The following HORMAD2 variants were observed in gnomAD, a reference collection of about 807,000 sequenced individuals.
The protein encoded by HORMAD2 is HORMA domain-containing protein 2.
In HORMAD2, 45 loss-of-function variants were observed where a neutral mutation model predicts 38.8. That is an observed-to-expected ratio of 1.16 (90% CI 0.91 to 1.49). HORMAD2 has a LOEUF of 1.49. HORMAD2 is among the 40% of genes most tolerant of loss of function. The pLI is 0.00. For missense variants in HORMAD2, 338 were observed against 367.0 expected (o/e 0.92, Z 0.65); for synonymous variants, 126 against 122.8 (o/e 1.03, Z -0.17).
At chr22:30,145,890 G>T (rs1485824405) in intron 10 of HORMAD2, among the ~76,000 whole-genome samples, 3 of 152,134 alleles carry the variant, frequency 2.0e-5, no homozygotes, top group Non-Finnish European at 4.4e-5. Context: ...TATGAGGCCA[G>T]AATTACCCTG....
chr22:30,180,116 C>A (rs1926638147), downstream of HORMAD2, among the ~76,000 whole-genome samples: 1 of 152,114 alleles, frequency 6.6e-6, no homozygotes, highest in Non-Finnish European at 1.5e-5. Flanking sequence ...TCTCAAACTC[C>A]TGGGCTCAAA....
intron 10 of HORMAD2, among the ~76,000 whole-genome samples, chr22:30,172,547 A>G (rs1467370021): frequency 6.6e-6 from 1 of 152,170 alleles, no homozygotes; most frequent in Admixed American, 6.5e-5. Flanking sequence ...TCAGCCAATA[A>G]TTAAAGAGCA....
At chr22:30,131,897 C>G (rs1268499402) in intron 10 of HORMAD2, among the ~76,000 whole-genome samples, 1 of 152,106 alleles carries the variant, frequency 6.6e-6, no homozygotes, top group Non-Finnish European at 1.5e-5. Context: ...TTCTTTTGTG[C>G]CAACACACTT....
intron 7 of HORMAD2, 91 bp from the exon 8 acceptor site, chr22:30,118,889 A>C (rs1311567145): frequency 1.3e-6 from 1 of 786,818 alleles, no homozygotes; most frequent in Non-Finnish European, 2.1e-6. Context: ...CAGTAGATAT[A>C]CAGTGAAAAT....
chr22:30,122,246 G>A, intron 10 of HORMAD2, 32 bp downstream of exon 10: 1 of 1,578,490 alleles, frequency 6.3e-7, no homozygotes. Context: ...TTTCTATCGT[G>A]TCAGTTAAAC....
intron 1 of HORMAD2, among the ~76,000 whole-genome samples, chr22:30,091,917 C>T (rs1037908138): frequency 1.3e-5 from 2 of 151,944 alleles, no homozygotes; most frequent in Non-Finnish European, 2.9e-5. Context: ...TGCTCTGTTG[C>T]CCAGGCTGGA....
At chr22:30,188,224 C>G in the HORMAD2 span, among the ~76,000 whole-genome samples, 1 of 152,148 alleles carries the variant, frequency 6.6e-6, no homozygotes, top group Non-Finnish European at 1.5e-5. Flanking sequence ...AAGAGGTAAA[C>G]AGCATAGATA....
At chr22:30,103,601 A>C in intron 4 of HORMAD2, 101 bp downstream of exon 4, 1 of 417,336 alleles carries the variant, frequency 2.4e-6, no homozygotes, top group Non-Finnish European at 4.2e-6. Flanking sequence ...TTAAAAAACC[A>C]TTTCTTCTTT....
At chr22:30,171,240 A>G (rs1330273999) in intron 10 of HORMAD2, among the ~76,000 whole-genome samples, 1 of 152,090 alleles carries the variant, frequency 6.6e-6, no homozygotes, top group Non-Finnish European at 1.5e-5. Context: ...TCAAATTTAC[A>G]TCTCCAACCC....
intron 7 of HORMAD2, among the ~76,000 whole-genome samples, chr22:30,116,141 A>G (rs1881445620): frequency 6.6e-6 from 1 of 152,140 alleles, no homozygotes; most frequent in South Asian, 2.1e-4. Context: ...ATAGCTGTGC[A>G]AAGGCCCTAA....
At chr22:30,122,323 A>T in intron 10 of HORMAD2, 109 bp downstream of exon 10, 2 of 981,970 alleles carry the variant, frequency 2.0e-6, no homozygotes, top group Non-Finnish European at 2.9e-6. Context: ...AAAAACTGAA[A>T]CAAAACTAGT....
At chr22:30,158,080 G>GA (rs34431460) in intron 10 of HORMAD2, among the ~76,000 whole-genome samples, 33,130 of 148,910 alleles carry the variant, frequency 0.22, 3,942 homozygotes, top group Middle Eastern at 0.38. Flanking sequence ...GTAGGGCAAA[G>GA]AAAAAAAAAG....
Position 30,176,307 on chromosome 22 carries a change from T to TC in HORMAD2, c.*140_*141insC, listed in dbSNP as rs1926456953. On this transcript the variant is annotated 3_prime_UTR_variant, in exon 11 of 11. Transcript: ENST00000336726. The stretch of plus-strand genomic sequence containing the variant: ...TTGCTCAATTTTTTTTGTCAGTTGC[T>TC]AAGTGCTAAATTACTGGCCAGGTAG... 1 of 632,582 alleles carries TC rather than the reference T, an allele frequency of 1.6e-6. No individual in the cohort carries two copies. Among genetic ancestry groups the TC allele is most frequent in the South Asian group, 2.0e-5 (1 of 49,204 alleles). The allele number at this position is 632,582 out of a possible 1,614,324, so 39.2% of individuals were successfully genotyped here. A position where few individuals can be genotyped will look rare whatever the true frequency, so the allele number is the denominator to read the frequency against.
intron 10 of HORMAD2, among the ~76,000 whole-genome samples, chr22:30,131,905 C>T (rs549219214): frequency 6.6e-6 from 1 of 152,306 alleles, no homozygotes; most frequent in African/African-American, 2.4e-5. Context: ...TGCCAACACA[C>T]TTAATTAAAA....
chr22:30,088,272 C>T (rs1028553819), intron 1 of HORMAD2, among the ~76,000 whole-genome samples: 1 of 150,086 alleles, frequency 6.7e-6, no homozygotes, highest in Admixed American at 6.7e-5. Context: ...TACATATATA[C>T]ACACATATAT....
intron 10 of HORMAD2, among the ~76,000 whole-genome samples, chr22:30,134,586 A>G (rs1318922769): frequency 6.6e-6 from 1 of 151,270 alleles, no homozygotes; most frequent in African/African-American, 2.4e-5. Flanking sequence ...TTAGCTCTCA[A>G]TTTTGAGATC....
chr22:30,186,550 G>T, the HORMAD2 span, among the ~76,000 whole-genome samples: 10 of 151,904 alleles, frequency 6.6e-5, no homozygotes, highest in East Asian at 1.7e-3. Context: ...TTGCTTTTGT[G>T]TGAAGACCCT....
chr22:30,082,370 C>T (rs1180627277), intron 1 of HORMAD2, among the ~76,000 whole-genome samples: 13 of 152,058 alleles, frequency 8.5e-5, no homozygotes, highest in Non-Finnish European at 1.3e-4. Context: ...TTTTGCTTCA[C>T]TTGGAATGGT....
chr22:30,082,538 C>A (rs917270752), intron 1 of HORMAD2, among the ~76,000 whole-genome samples: 1 of 151,814 alleles, frequency 6.6e-6, no homozygotes, highest in Admixed American at 6.6e-5. Flanking sequence ...TATGTGTAAT[C>A]CCAAAACTTT....
Sources: allele counts gnomAD v4.1 joint callset (sites outside exome capture counted in the v4.1 genomes callset), GRCh38; gene constraint gnomAD v4.1.1; transcripts MANE v1.5; gene names NCBI Gene and HGNC (gene_info 2026-07-23, HGNC 2026-07-21).